Variants in DPP6 observed in about 807,000 individuals in gnomAD.
DPP6 encodes dipeptidyl peptidase like 6.
A neutral mutation model predicts 122.6 loss-of-function variants in DPP6; 69 were observed. The observed-to-expected ratio is 0.56, with a 90% confidence interval of 0.46 to 0.69. The LOEUF is 0.69. Among genes scored for constraint, DPP6 ranks in the 30% least tolerant of loss-of-function variants. DPP6 has a pLI of 0.00. For missense variants in DPP6, 928 were observed against 1,116.9 expected (o/e 0.83, Z 2.41); for synonymous variants, 418 against 433.1 (o/e 0.97, Z 0.43).
chr7:153,916,412 TCCTCCCCTCC>T (rs940975832), intron 1 of DPP6, among the ~76,000 whole-genome samples: 2 of 83,052 alleles, frequency 2.4e-5, no homozygotes, highest in African/African-American at 9.5e-5. Context: ...CCCTCCTCTC[TCCTCCCCTCC>T]CCTCCCCTCT....
chr7:154,160,756 G>C (rs1458680859), intron 1 of DPP6, among the ~76,000 whole-genome samples: 2 of 152,180 alleles, frequency 1.3e-5, no homozygotes, highest in African/African-American at 2.4e-5. Flanking sequence ...TGGGGGACTT[G>C]AAAACTAGCT....
chr7:153,947,935 G>A (rs114379855), intron 1 of DPP6, among the ~76,000 whole-genome samples: 4,465 of 152,206 alleles, frequency 0.029, 228 homozygotes, highest in African/African-American at 0.1. Context: ...TGCCAAGGTA[G>A]CATCTTTGTG....
chr7:153,970,156 A>T (rs1585109947), intron 1 of DPP6, among the ~76,000 whole-genome samples: 1 of 152,208 alleles, frequency 6.6e-6, no homozygotes, highest in East Asian at 1.9e-4. Context: ...TGCATAGGCA[A>T]TTCTGTGAAA....
intron 4 of DPP6, among the ~76,000 whole-genome samples, chr7:154,547,764 C>T (rs941681330): frequency 2.6e-5 from 4 of 152,110 alleles, no homozygotes; most frequent in Non-Finnish European, 5.9e-5. Context: ...GTCTCTCTCT[C>T]TCTTTTTTTT....
the DPP6 span, among the ~76,000 whole-genome samples, chr7:153,826,170 G>T: frequency 2.0e-5 from 3 of 152,172 alleles, no homozygotes; most frequent in African/African-American, 7.2e-5. Context: ...CTCCAAGGAA[G>T]AACAAAGCTT....
At chr7:154,194,245 G>A (rs558461127) in intron 1 of DPP6, among the ~76,000 whole-genome samples, 16 of 152,304 alleles carry the variant, frequency 1.1e-4, no homozygotes, top group Non-Finnish European at 1.9e-4. Context: ...CAGGTGCAAG[G>A]CAAAGAGACA....
intron 10 of DPP6, among the ~76,000 whole-genome samples, chr7:154,783,284 A>T (rs1044001128): frequency 6.6e-6 from 1 of 152,078 alleles, no homozygotes; most frequent in African/African-American, 2.4e-5. Flanking sequence ...ACTGCCTGTG[A>T]TTGCTGCGAA....
rs574782785 is a variant in DPP6, at chr7:154,180,580, G to A, written c.243+127517G>A. ...TTAGAGAGAATATATATATATATTC[G>A]AGTTTATATTATTATTTTTAAGATT... On this transcript the variant is annotated intron_variant, in intron 1 of 25. Transcript: ENST00000377770. 1.5e-4 allele frequency among the ~76,000 whole-genome samples: 22 copies of A among 147,672 alleles called. 1 individual carries two copies. The East Asian group carries it at 4.3e-3, about 29-fold the overall frequency.
intron 4 of DPP6, among the ~76,000 whole-genome samples, chr7:154,552,237 T>C (rs1829692142): frequency 6.6e-6 from 1 of 152,174 alleles, no homozygotes. Flanking sequence ...ACCAGCTATG[T>C]AGTGGAGCAA....
At chr7:154,172,411 A>G (rs932694864) in intron 1 of DPP6, among the ~76,000 whole-genome samples, 2 of 152,198 alleles carry the variant, frequency 1.3e-5, no homozygotes. Context: ...AAAACATTCC[A>G]GCAAGAGAGA....
chr7:154,321,212 G>C (rs2151018209), intron 1 of DPP6, among the ~76,000 whole-genome samples: 2 of 151,972 alleles, frequency 1.3e-5, no homozygotes, highest in Middle Eastern at 6.8e-3. Flanking sequence ...AAAAGATCGA[G>C]GCTGCAGTGA....
intron 6 of DPP6, among the ~76,000 whole-genome samples, chr7:154,666,719 A>G (rs1838191955): frequency 6.6e-6 from 1 of 152,160 alleles, no homozygotes; most frequent in African/African-American, 2.4e-5. Flanking sequence ...TTCAGCCTTA[A>G]AAAAGAAGGA....
At chr7:154,872,502 C>A in intron 18 of DPP6, 122 bp from the exon 19 acceptor site, 1 of 1,431,852 alleles carries the variant, frequency 7.0e-7, no homozygotes, top group Non-Finnish European at 9.3e-7. Context: ...CAGTCTCTGT[C>A]TGTGGGCTTC....
chr7:153,774,701 A>G, the DPP6 span, among the ~76,000 whole-genome samples: 3 of 152,174 alleles, frequency 2.0e-5, no homozygotes, highest in Non-Finnish European at 4.4e-5. Context: ...ATGATGGCTC[A>G]TGCCTATAAT....
intron 1 of DPP6, among the ~76,000 whole-genome samples, chr7:154,104,747 C>T (rs1001220197): frequency 6.6e-6 from 1 of 152,216 alleles, no homozygotes; most frequent in African/African-American, 2.4e-5. Flanking sequence ...ACATAACATA[C>T]ACTCAATGTA....
At chr7:154,524,480 C>T (rs1454362784) in intron 3 of DPP6, among the ~76,000 whole-genome samples, 44 of 152,200 alleles carry the variant, frequency 2.9e-4, no homozygotes, top group Admixed American at 2.8e-3. Flanking sequence ...CTCCACGTAT[C>T]TCATGGCTGA....
intron 1 of DPP6, among the ~76,000 whole-genome samples, chr7:154,332,731 C>A (rs1007337672): frequency 2.0e-5 from 3 of 152,154 alleles, no homozygotes; most frequent in Non-Finnish European, 4.4e-5. Context: ...GATTCTGTCT[C>A]CCCCCTCCAA....
At chr7:154,664,797 T>G (rs1445765118) in intron 6 of DPP6, among the ~76,000 whole-genome samples, 1 of 152,196 alleles carries the variant, frequency 6.6e-6, no homozygotes, top group Admixed American at 6.5e-5. Context: ...CTTTTTATTT[T>G]GAATAATTGT....
chr7:154,653,370 C>A (rs1016773589), intron 6 of DPP6, among the ~76,000 whole-genome samples: 1 of 151,946 alleles, frequency 6.6e-6, no homozygotes, highest in Non-Finnish European at 1.5e-5. Flanking sequence ...GATAGATTGA[C>A]AGATTGATTG....
Sources: allele counts gnomAD v4.1 joint callset (sites outside exome capture counted in the v4.1 genomes callset), GRCh38; gene constraint gnomAD v4.1.1; transcripts MANE v1.5; gene names NCBI Gene and HGNC (gene_info 2026-07-23, HGNC 2026-07-21).